The following DRC8 variants were observed in gnomAD, a reference collection of about 807,000 sequenced individuals.
DRC8 encodes the protein dynein regulatory complex subunit 8, also known as dynein regulatory complex protein 8.
the DRC8 span, among the ~76,000 whole-genome samples, chr1:245,000,260 A>G: frequency 6.6e-6 from 1 of 152,150 alleles, no homozygotes; most frequent in African/African-American, 2.4e-5. Flanking sequence ...TACTGTACTC[A>G]CCCTTCTTGT....
the DRC8 span, among the ~76,000 whole-genome samples, chr1:245,065,537 C>T: frequency 6.6e-6 from 1 of 152,138 alleles, no homozygotes; most frequent in Non-Finnish European, 1.5e-5. Flanking sequence ...TGTTTCAGAT[C>T]TCTGAAGATA....
the DRC8 span, among the ~76,000 whole-genome samples, chr1:245,077,711 A>G: frequency 1.6e-3 from 238 of 152,334 alleles, no homozygotes; most frequent in Non-Finnish European, 2.2e-3. Flanking sequence ...CACACCATAC[A>G]CAGAAATCAA....
At chr1:245,088,315 G>GACAAACACAC in the DRC8 span, among the ~76,000 whole-genome samples, 1 of 145,488 alleles carries the variant, frequency 6.9e-6, no homozygotes, top group African/African-American at 2.6e-5. This position sits in a 1 kb window ranked among gnomAD's most constrained non-coding sequence, Gnocchi z 4.6. Flanking sequence ...GTTATAACAA[G>GACAAACACAC]ACACACACAC....
chr1:245,068,991 T>C, the DRC8 span, among the ~76,000 whole-genome samples: 1 of 152,226 alleles, frequency 6.6e-6, no homozygotes, highest in African/African-American at 2.4e-5. Context: ...TTTTCCCTTC[T>C]GTTATCTAGT....
At chr1:245,117,091 T>C in the DRC8 span, among the ~76,000 whole-genome samples, 1 of 152,228 alleles carries the variant, frequency 6.6e-6, no homozygotes, top group Non-Finnish European at 1.5e-5. Context: ...TCTTGCTCTG[T>C]TGCCAGGCTG....
At chr1:244,998,909 G>T in the DRC8 span, among the ~76,000 whole-genome samples, 1 of 152,064 alleles carries the variant, frequency 6.6e-6, no homozygotes, top group African/African-American at 2.4e-5. Context: ...GCTGAGTATA[G>T]GTCACATGCC....
the DRC8 span, among the ~76,000 whole-genome samples, chr1:245,119,070 C>T: frequency 1.3e-5 from 2 of 151,928 alleles, no homozygotes; most frequent in African/African-American, 2.4e-5. Flanking sequence ...GGCTGTTATG[C>T]GAGGGTGGGA....
the DRC8 span, among the ~76,000 whole-genome samples, chr1:245,046,956 G>A: frequency 6.6e-6 from 1 of 152,188 alleles, no homozygotes; most frequent in East Asian, 1.9e-4. Flanking sequence ...TCAGCTGGGA[G>A]CCGCTGCTCC....
the DRC8 span, among the ~76,000 whole-genome samples, chr1:245,004,534 C>A: frequency 0.6 from 90,573 of 151,800 alleles, 27,417 homozygotes; most frequent in East Asian, 0.75. Context: ...TGTACCACCA[C>A]ACTCAGTGAA....
At chr1:244,969,744 C>A in the DRC8 span, 13 of 203,094 alleles carry the variant, frequency 6.4e-5, no homozygotes, top group Non-Finnish European at 1.3e-4. Context: ...CCCAGTTTTT[C>A]CGTTTTAGCT....
At chr1:245,103,859 G>A in the DRC8 span, among the ~76,000 whole-genome samples, 1 of 152,214 alleles carries the variant, frequency 6.6e-6, no homozygotes, top group Non-Finnish European at 1.5e-5. Context: ...CTGGAAACTG[G>A]TGAGAAGGTG....
the DRC8 span, among the ~76,000 whole-genome samples, chr1:245,005,247 GT>G: frequency 2.8e-5 from 4 of 145,418 alleles, no homozygotes; most frequent in South Asian, 2.2e-4. Context: ...TCTCAGTTTT[GT>G]TTTTTTTTTA....
the DRC8 span, among the ~76,000 whole-genome samples, chr1:245,001,594 A>G: frequency 6.6e-6 from 1 of 152,112 alleles, no homozygotes; most frequent in Non-Finnish European, 1.5e-5. Flanking sequence ...CTAGCCAGGG[A>G]GGTTTTCCTG....
the DRC8 span, among the ~76,000 whole-genome samples, chr1:245,034,585 A>C: frequency 6.9e-6 from 1 of 145,478 alleles, no homozygotes; most frequent in African/African-American, 2.6e-5. Context: ...TGGGTAACAG[A>C]ATGAGACTCC....
At chr1:245,102,551 T>C in the DRC8 span, among the ~76,000 whole-genome samples, 1 of 152,172 alleles carries the variant, frequency 6.6e-6, no homozygotes, top group Non-Finnish European at 1.5e-5. Flanking sequence ...GGTTTCGCCA[T>C]GATGGCCAGG....
the DRC8 span, chr1:244,970,757 C>G: frequency 2.3e-6 from 1 of 428,146 alleles, no homozygotes; most frequent in Non-Finnish European, 4.1e-6. Flanking sequence ...TCTTCACCCT[C>G]TTCCCCTCCT....
chr1:244,995,011 G>T, the DRC8 span, among the ~76,000 whole-genome samples: 1 of 152,208 alleles, frequency 6.6e-6, no homozygotes, highest in African/African-American at 2.4e-5. Context: ...TGTTTAACAG[G>T]CTTTCCTTTA....
chr1:244,994,620 G>A, the DRC8 span, among the ~76,000 whole-genome samples: 1 of 151,934 alleles, frequency 6.6e-6, no homozygotes, highest in Admixed American at 6.6e-5. Flanking sequence ...AGTAGTGATG[G>A]GGTTTCACCA....
chr1:245,010,084 C>G, the DRC8 span, among the ~76,000 whole-genome samples: 244 of 151,886 alleles, frequency 1.6e-3, 2 homozygotes, highest in African/African-American at 5.7e-3. Flanking sequence ...TGGTCTCACA[C>G]TTCTGACCTC....
Sources: allele counts gnomAD v4.1 joint callset (sites outside exome capture counted in the v4.1 genomes callset), GRCh38; gene constraint gnomAD v4.1.1; non-coding constraint Gnocchi (gnomAD v3.1); transcripts MANE v1.5; gene names NCBI Gene and HGNC (gene_info 2026-07-23, HGNC 2026-07-21).